ACOT1: variants seen among roughly 807,000 people sequenced by gnomAD.
The protein encoded by ACOT1 is acyl-CoA thioesterase 1.
Under a neutral mutation model 15.7 loss-of-function variants are expected in ACOT1, and 8 were observed. The observed-to-expected ratio is 0.51, with a 90% confidence interval of 0.30 to 0.92. ACOT1 has a LOEUF of 0.92. Among genes scored for constraint, ACOT1 ranks in the 40% least tolerant of loss-of-function variants. The pLI is 0.06. For missense variants in ACOT1, 151 were observed against 539.4 expected (o/e 0.28, Z 7.13); for synonymous variants, 67 against 241.2 (o/e 0.28, Z 6.69).
the ACOT1 span, among the ~76,000 whole-genome samples, chr14:73,504,555 C>T: frequency 6.6e-6 from 1 of 152,086 alleles, no homozygotes; most frequent in Non-Finnish European, 1.5e-5. Flanking sequence ...TTTTGCATTT[C>T]TAATAATGCT....
chr14:73,509,247 G>C, the ACOT1 span: 1 of 1,483,644 alleles, frequency 6.7e-7, no homozygotes, highest in South Asian at 1.2e-5. Flanking sequence ...GGAAAGGACT[G>C]GGAAAGCTGA....
the ACOT1 span, among the ~76,000 whole-genome samples, chr14:73,501,718 G>T: frequency 6.6e-6 from 1 of 151,534 alleles, no homozygotes; most frequent in Non-Finnish European, 1.5e-5. Context: ...GGGACTACAG[G>T]CATACACCAC....
upstream of ACOT1, among the ~76,000 whole-genome samples, chr14:73,535,935 G>A (rs1489748867): frequency 2.6e-5 from 3 of 116,240 alleles, no homozygotes; most frequent in African/African-American, 5.6e-5. Context: ...CAGAAAATCA[G>A]TTAAATTCTC....
chr14:73,521,079 T>G, the ACOT1 span: 6 of 1,532,504 alleles, frequency 3.9e-6, no homozygotes, highest in Non-Finnish European at 5.4e-6. Flanking sequence ...GGGGAAAGAG[T>G]AGGAGGTGGA....
At chr14:73,520,822 G>T in the ACOT1 span, 1 of 1,592,838 alleles carries the variant, frequency 6.3e-7, no homozygotes, top group Non-Finnish European at 8.6e-7. Flanking sequence ...GTCCCCGTGT[G>T]CCCCTACCAC....
the ACOT1 span, chr14:73,509,305 TACTC>T: frequency 6.8e-6 from 11 of 1,613,218 alleles, no homozygotes; most frequent in South Asian, 7.7e-5. Flanking sequence ...AACAGGGAGT[TACTC>T]ACCCTTCAGA....
chr14:73,537,319 G>C lies in ACOT1; in HGVS notation c.-103G>C. On this transcript the variant is annotated 5_prime_UTR_variant, in exon 1 of 3. Coordinates refer to ENST00000311148, the MANE Select transcript of ACOT1 (RefSeq NM_001037161.2). ...ATTAGCAGACAGCTCTGCCCTAGTG[G>C]GCGTTTAGCCTGCGACGGCAGCCCG... The C allele has an allele frequency of 9.8e-7, 1 of 1,023,626 alleles. No individual in the cohort carries two copies. The highest frequency in any genetic ancestry group is 1.3e-6 in the Non-Finnish European group (1 of 754,212). The allele number at this position is 1,023,626 out of a possible 1,614,324, so 63.4% of individuals were successfully genotyped here. A position where few individuals can be genotyped will look rare whatever the true frequency, so the allele number is the denominator to read the frequency against.
At chr14:73,523,567 C>T in the ACOT1 span, among the ~76,000 whole-genome samples, 1 of 152,198 alleles carries the variant, frequency 6.6e-6, no homozygotes, top group Non-Finnish European at 1.5e-5. Context: ...TTCAGCATGG[C>T]ATTCAGGGTT....
the ACOT1 span, among the ~76,000 whole-genome samples, chr14:73,513,357 G>T: frequency 6.6e-6 from 1 of 152,118 alleles, no homozygotes; most frequent in Non-Finnish European, 1.5e-5. Context: ...TACTTGGGAG[G>T]CTGAGGCAGG....
the ACOT1 span, among the ~76,000 whole-genome samples, chr14:73,526,511 G>C: frequency 6.6e-6 from 1 of 152,172 alleles, no homozygotes; most frequent in Non-Finnish European, 1.5e-5. Context: ...AGACAGGGCA[G>C]CTCAGGGAGA....
chr14:73,504,455 G>A, the ACOT1 span, among the ~76,000 whole-genome samples: 7 of 152,146 alleles, frequency 4.6e-5, no homozygotes, highest in Middle Eastern at 3.4e-3. Context: ...TGTTAGCCAG[G>A]ATGGTCTCGA....
chr14:73,533,010 A>G (rs1156750888), upstream of ACOT1, among the ~76,000 whole-genome samples: 1 of 114,590 alleles, frequency 8.7e-6, no homozygotes, highest in Non-Finnish European at 1.9e-5. Flanking sequence ...AAAAAATTAA[A>G]TATTATAACC....
chr14:73,514,185 G>A, the ACOT1 span: 33 of 1,614,066 alleles, frequency 2.0e-5, no homozygotes, highest in Middle Eastern at 1.6e-4. Context: ...TATCCTTGGC[G>A]GGGGTGGGCA....
chr14:73,516,503 T>C, the ACOT1 span, among the ~76,000 whole-genome samples: 1 of 147,464 alleles, frequency 6.8e-6, no homozygotes, highest in Non-Finnish European at 1.5e-5. Context: ...CTTAGATCTC[T>C]GATATTTAAC....
chr14:73,491,760 A>G, the ACOT1 span: 1 of 1,564,298 alleles, frequency 6.4e-7, no homozygotes, highest in Non-Finnish European at 8.7e-7. Flanking sequence ...GCTGACCTGG[A>G]TTCGATGCTG....
chr14:73,535,469 C>CTTTTTTTTTT (rs869167008), upstream of ACOT1, among the ~76,000 whole-genome samples: 4 of 16,536 alleles, frequency 2.4e-4, 1 homozygote, highest in Non-Finnish European at 5.5e-4. Context: ...TTTCTTCTTT[C>CTTTTTTTTTT]TTTTTTTTTT....
At chr14:73,522,468 A>G in the ACOT1 span, 7 of 1,614,008 alleles carry the variant, frequency 4.3e-6, no homozygotes, top group African/African-American at 8.0e-5. Flanking sequence ...TTGTTGGGGG[A>G]TGCCCCAGGC....
chr14:73,505,706 A>G, the ACOT1 span, among the ~76,000 whole-genome samples: 1 of 150,576 alleles, frequency 6.6e-6, no homozygotes, highest in African/African-American at 2.4e-5. Context: ...ACTATGTTTT[A>G]TATGTGTGTG....
chr14:73,491,049 T>C, the ACOT1 span: 1 of 1,589,148 alleles, frequency 6.3e-7, no homozygotes, highest in Non-Finnish European at 8.6e-7. Flanking sequence ...GCAGGGCCGT[T>C]GAGGCGCGGG....
Sources: gnomAD v4.1 joint callset for allele counts (sites outside exome capture counted in the v4.1 genomes callset) on GRCh38, gnomAD v4.1.1 for gene constraint, MANE v1.5 for transcripts, NCBI Gene and HGNC (gene_info 2026-07-23, HGNC 2026-07-21) for gene names.